Variants in PPM1B observed in about 807,000 individuals in gnomAD.
PPM1B encodes the protein protein phosphatase 1B.
Under a neutral mutation model 43.0 loss-of-function variants are expected in PPM1B, and 22 were observed. That is an observed-to-expected ratio of 0.51 (90% CI 0.37 to 0.73). The LOEUF (loss-of-function observed/expected upper bound fraction) is 0.73, where lower values mean the gene tolerates loss of function less well. PPM1B is among the 30% of genes least tolerant of loss of function. The pLI, the probability that PPM1B is intolerant of heterozygous loss-of-function variation, is 0.00. For missense variants in PPM1B, 632 were observed against 584.2 expected, an observed-to-expected ratio of 1.08 and a Z score of -0.84; for synonymous variants, 217 against 197.9, an observed-to-expected ratio of 1.10 and a Z score of -0.81.
chr2:44,194,522 G>T (rs1668564727), intron 1 of PPM1B, among the ~76,000 whole-genome samples: 1 of 152,068 alleles, frequency 6.6e-6, no homozygotes, highest in Non-Finnish European at 1.5e-5. Flanking sequence ...AGGAGATCGA[G>T]ACCTTCCTAG....
chr2:44,199,055 A>T (rs949073823), intron 1 of PPM1B, among the ~76,000 whole-genome samples: 1 of 152,008 alleles, frequency 6.6e-6, no homozygotes, highest in Non-Finnish European at 1.5e-5. Flanking sequence ...TCAGGAGTTC[A>T]AGACCAATCT....
chr2:44,200,112 TATAAC>T (rs1460768284), intron 1 of PPM1B, among the ~76,000 whole-genome samples: 1 of 152,220 alleles, frequency 6.6e-6, no homozygotes, highest in Non-Finnish European at 1.5e-5. Flanking sequence ...TTTGAGCAGA[TATAAC>T]AGCAAACATT....
At chr2:44,172,628 C>G (rs866730334) in intron 1 of PPM1B, among the ~76,000 whole-genome samples, 1 of 152,112 alleles carries the variant, frequency 6.6e-6, no homozygotes, top group South Asian at 2.1e-4. Context: ...AGAATCTTTA[C>G]AAGTAAAATG....
In PPM1B at chr2:44,228,713, G is replaced by GGAACAGCTGTATATTGTCTCTCTA. The variant is rs567568667; in HGVS notation, c.1135-1697_1135-1674dup. On this transcript the variant is annotated intron_variant, in intron 5 of 5. Transcript: ENST00000282412. ...ATTTAAAAAGGGGATATGATATGTT[G>GGAACAGCTGTATATTGTCTCTCTA]GAACAGCTGTATATTGTCTCTCTAG... Among the ~76,000 whole-genome samples the GGAACAGCTGTATATTGTCTCTCTA allele has an allele frequency of 3.7e-3, 564 of 152,158 alleles. 4 individuals carry two copies. The highest frequency in any genetic ancestry group is 6.5e-3 in the Admixed American group (99 of 15,276).
At chr2:44,219,171 G>C (rs1572742599) in intron 5 of PPM1B, 1 of 150,138 alleles carries the variant, frequency 6.7e-6, no homozygotes, top group Admixed American at 6.7e-5. Context: ...TTTTGTTTTA[G>C]TACTATTACC....
At chr2:44,208,049 T>C (rs1669277855) in intron 2 of PPM1B, among the ~76,000 whole-genome samples, 1 of 151,786 alleles carries the variant, frequency 6.6e-6, no homozygotes, top group Non-Finnish European at 1.5e-5. Flanking sequence ...CCACCACGCC[T>C]GGATAATTTT....
chr2:44,176,264 T>A (rs1310664807), intron 1 of PPM1B, among the ~76,000 whole-genome samples: 1 of 152,212 alleles, frequency 6.6e-6, no homozygotes, highest in Non-Finnish European at 1.5e-5. Flanking sequence ...CAGGATTTTT[T>A]AAGTCTGATT....
intron 2 of PPM1B, among the ~76,000 whole-genome samples, chr2:44,202,278 C>A (rs373551209): frequency 2.0e-5 from 3 of 152,130 alleles, no homozygotes; most frequent in African/African-American, 7.2e-5. Context: ...CATTTAAGTA[C>A]TTCATAGCTT....
intron 5 of PPM1B, among the ~76,000 whole-genome samples, chr2:44,220,187 A>T (rs754780123): frequency 3.3e-5 from 5 of 151,904 alleles, no homozygotes; most frequent in Admixed American, 6.6e-5. Flanking sequence ...TTATTGATTC[A>T]TTATTAGCCA....
intron 5 of PPM1B, among the ~76,000 whole-genome samples, chr2:44,225,500 C>T (rs1451125566): frequency 6.6e-6 from 1 of 152,086 alleles, no homozygotes; most frequent in African/African-American, 2.4e-5. Flanking sequence ...ATTGTCTATC[C>T]AGAGTGATGA....
At chr2:44,170,218 C>T (rs577754754) in intron 1 of PPM1B, among the ~76,000 whole-genome samples, 2 of 152,274 alleles carry the variant, frequency 1.3e-5, no homozygotes, top group African/African-American at 4.8e-5. Flanking sequence ...CCAAATTCAT[C>T]AATATTCAAT....
At chr2:44,212,663 A>T (rs1005080920) in intron 3 of PPM1B, among the ~76,000 whole-genome samples, 6 of 151,842 alleles carry the variant, frequency 4.0e-5, no homozygotes, top group African/African-American at 1.5e-4. Flanking sequence ...CTTCTTTTAG[A>T]TGTATTCCAG....
chr2:44,193,704 C>G (rs188343928), intron 1 of PPM1B, among the ~76,000 whole-genome samples: 2 of 151,874 alleles, frequency 1.3e-5, no homozygotes, highest in Non-Finnish European at 2.9e-5. Flanking sequence ...TTCAGCCCCC[C>G]AGTAGCTGGG....
At chr2:44,210,538 A>G (rs984558003) in intron 3 of PPM1B, among the ~76,000 whole-genome samples, 11 of 152,138 alleles carry the variant, frequency 7.2e-5, no homozygotes, top group African/African-American at 2.7e-4. Flanking sequence ...TTAAACATAC[A>G]GAAAAGTTGC....
At chr2:44,217,850 G>T (rs1654547962) in intron 3 of PPM1B, 117 bp from the exon 4 acceptor site, 1 of 522,750 alleles carries the variant, frequency 1.9e-6, no homozygotes, top group Admixed American at 4.0e-5. Context: ...TGTGTTGATG[G>T]TAATTTTTTT....
intron 3 of PPM1B, chr2:44,213,811 T>C (rs1407102413): frequency 6.6e-6 from 1 of 152,156 alleles, no homozygotes. Flanking sequence ...ATTGATAATA[T>C]CATTAAGAGG....
intron 2 of PPM1B, among the ~76,000 whole-genome samples, chr2:44,202,924 G>A (rs1378404118): frequency 6.6e-6 from 1 of 152,122 alleles, no homozygotes; most frequent in African/African-American, 2.4e-5. Context: ...CCAGTGTCTG[G>A]AGTGTGTAAG....
At chr2:44,237,901 ATTAT>A (rs1486285188), downstream of PPM1B, among the ~76,000 whole-genome samples, 2 of 152,044 alleles carry the variant, frequency 1.3e-5, no homozygotes, top group Non-Finnish European at 2.9e-5. Context: ...AATGCAATTT[ATTAT>A]TTATTATTAT....
At chr2:44,238,372 A>G (rs1419714286), downstream of PPM1B, among the ~76,000 whole-genome samples, 3 of 152,192 alleles carry the variant, frequency 2.0e-5, no homozygotes, top group African/African-American at 7.2e-5. Flanking sequence ...TATAATTGGT[A>G]TAGCACTTTG....
Sources: gnomAD v4.1 joint callset for allele counts (sites outside exome capture counted in the v4.1 genomes callset) on GRCh38, gnomAD v4.1.1 for gene constraint, MANE v1.5 for transcripts, NCBI Gene and HGNC (gene_info 2026-07-23, HGNC 2026-07-21) for gene names.